The following SORCS2 variants were observed in gnomAD, a reference collection of about 807,000 sequenced individuals.
The protein encoded by SORCS2 is VPS10 domain-containing receptor SorCS2.
Under a neutral mutation model 141.6 loss-of-function variants are expected in SORCS2, and 100 were observed. The ratio of observed to expected loss-of-function variants is 0.71; its 90% CI spans 0.60 to 0.83. SORCS2 has a LOEUF of 0.83. Among genes scored for constraint, SORCS2 ranks in the 40% least tolerant of loss-of-function variants. The pLI is 0.00. For missense variants in SORCS2, 1,646 were observed against 1,560.2 expected, an observed-to-expected ratio of 1.05 and a Z score of -0.93; for synonymous variants, 789 against 676.9, an observed-to-expected ratio of 1.17 and a Z score of -2.57.
At chr4:7,401,578 C>T (rs1724598235) in intron 2 of SORCS2, among the ~76,000 whole-genome samples, 1 of 152,232 alleles carries the variant, frequency 6.6e-6, no homozygotes, top group South Asian at 2.1e-4. Flanking sequence ...TCCCTATGTC[C>T]TGCCTCCTGC....
At chr4:7,691,219 T>G (rs1724227389) in intron 11 of SORCS2, among the ~76,000 whole-genome samples, 1 of 152,238 alleles carries the variant, frequency 6.6e-6, no homozygotes, top group Non-Finnish European at 1.5e-5. Context: ...GACTCTGAGC[T>G]GGACACCACA....
chr4:7,283,399 G>A (rs1716013301), intron 1 of SORCS2, among the ~76,000 whole-genome samples: 1 of 152,220 alleles, frequency 6.6e-6, no homozygotes, highest in Admixed American at 6.5e-5. Flanking sequence ...CAAGACCGGG[G>A]CAAAGTGCCT....
intron 1 of SORCS2, among the ~76,000 whole-genome samples, chr4:7,203,791 A>G (rs1727596781): frequency 6.6e-6 from 1 of 152,140 alleles, no homozygotes; most frequent in African/African-American, 2.4e-5. Flanking sequence ...TCCCAAATGG[A>G]AACTCTGCCC....
chr4:7,530,233 C>A (rs751859845), intron 2 of SORCS2, among the ~76,000 whole-genome samples: 3 of 152,232 alleles, frequency 2.0e-5, no homozygotes, highest in Non-Finnish European at 4.4e-5. Context: ...GTCCCCTCGG[C>A]CCCCAGAGGA....
chr4:7,636,562 C>T (rs1720270638), intron 3 of SORCS2, among the ~76,000 whole-genome samples: 1 of 152,066 alleles, frequency 6.6e-6, no homozygotes. Context: ...CCGGGGCCAC[C>T]TGTGAGTGTC....
At chr4:7,707,535 A>G (rs973993166) in intron 14 of SORCS2, among the ~76,000 whole-genome samples, 1 of 152,210 alleles carries the variant, frequency 6.6e-6, no homozygotes, top group Non-Finnish European at 1.5e-5. Context: ...GCCGCCTTCA[A>G]TTCAGTCCCA....
chr4:7,673,308 T>C (rs1421968203), intron 8 of SORCS2, among the ~76,000 whole-genome samples: 1 of 152,238 alleles, frequency 6.6e-6, no homozygotes. Context: ...GCAATTTCCC[T>C]TCTTAGGAGT....
chr4:7,682,599 A>G lies in SORCS2; in HGVS notation c.1342-144A>G, dbSNP rs1723590976. 5.0e-6 allele frequency: 4 copies of G among 803,180 alleles called. No homozygotes were observed. In the South Asian group the frequency reaches 7.4e-5, roughly 15 times the overall value. The allele number at this position is 803,180 out of a possible 1,614,324, so 49.8% of individuals were successfully genotyped here. ...CCTCTAAACCTCACTCACCTCTAGA[A>G]TGTGTCTCAGCTGCTGGACATTGTG... On this transcript the variant is annotated intron_variant, in intron 9 of 26. Coordinates refer to ENST00000507866, the MANE Select transcript of SORCS2 (RefSeq NM_020777.3).
rs964197165 is a variant in SORCS2 at position 7,700,125 on chromosome 4, C to T, written c.1668+2851C>T. Among the ~76,000 whole-genome samples, 4 of 152,260 alleles carry T rather than the reference C, an allele frequency of 2.6e-5. 1 individual carries two copies. Among genetic ancestry groups the T allele is most frequent in the African/African-American group, 9.6e-5 (4 of 41,474 alleles). ...CCTCCTGCCCTCCAGGCCTTTGCCC[C>T]TCTGTCTCCAGCCTGTGATGCCCTT... is the stretch of plus-strand genomic sequence containing the variant. On this transcript the variant is annotated intron_variant, in intron 12 of 26. Coordinates refer to ENST00000507866, the MANE Select transcript of SORCS2 (RefSeq NM_020777.3).
At chr4:7,705,313 A>G (rs1296392003) in intron 14 of SORCS2, among the ~76,000 whole-genome samples, 1 of 152,132 alleles carries the variant, frequency 6.6e-6, no homozygotes, top group Non-Finnish European at 1.5e-5. Flanking sequence ...CGACCCCTGG[A>G]TTTCAGCCTT....
chr4:7,231,835 G>A (rs1221166374), intron 1 of SORCS2, among the ~76,000 whole-genome samples: 1 of 152,176 alleles, frequency 6.6e-6, no homozygotes, highest in Non-Finnish European at 1.5e-5. Context: ...CCAGACTGAG[G>A]GCACGAGGAC....
chr4:7,249,053 A>G (rs1374225991), intron 1 of SORCS2, among the ~76,000 whole-genome samples: 1 of 152,260 alleles, frequency 6.6e-6, no homozygotes, highest in African/African-American at 2.4e-5. Context: ...ATAGTGCTGC[A>G]GTAACAAACA....
intron 3 of SORCS2, among the ~76,000 whole-genome samples, chr4:7,634,620 A>T (rs1199903367): frequency 6.6e-6 from 1 of 152,252 alleles, no homozygotes; most frequent in African/African-American, 2.4e-5. Flanking sequence ...AATGAATTCC[A>T]AATCATAGAT....
chr4:7,273,232 G>A (rs1715259831), intron 1 of SORCS2, among the ~76,000 whole-genome samples: 1 of 152,226 alleles, frequency 6.6e-6, no homozygotes, highest in African/African-American at 2.4e-5. Context: ...GTAACTGGCA[G>A]TCTTATCCCA....
intron 4 of SORCS2, among the ~76,000 whole-genome samples, chr4:7,643,871 C>A (rs1418218258): frequency 1.3e-5 from 2 of 152,110 alleles, no homozygotes; most frequent in Non-Finnish European, 2.9e-5. Context: ...AGCTTCGATA[C>A]CACGTTGATG....
At chr4:7,228,762 G>C (rs544637583) in intron 1 of SORCS2, among the ~76,000 whole-genome samples, 1 of 152,362 alleles carries the variant, frequency 6.6e-6, no homozygotes, top group South Asian at 2.1e-4. Context: ...GGCTGCTGTG[G>C]CCACAGGCAT....
At position 7,572,999 on chromosome 4, in the gene SORCS2, G is replaced by C. The variant is rs144208880; in HGVS notation, c.648+41370G>C. On this transcript the variant is annotated intron_variant, in intron 3 of 26. Coordinates refer to ENST00000507866, the MANE Select transcript of SORCS2 (RefSeq NM_020777.3). Reference sequence around the variant, plus strand: ...ATAGTCTAAATCCCTTTGGAAAGGAGAGCTTTTTCTCACTTATTATCAAAG... The same window carrying C: ...ATAGTCTAAATCCCTTTGGAAAGGACAGCTTTTTCTCACTTATTATCAAAG... Among the ~76,000 whole-genome samples the C allele has an allele frequency of 1.8e-4, 27 of 152,306 alleles. No individual in the cohort carries two copies. The East Asian group carries it at 5.2e-3, about 29-fold the overall frequency.
intron 3 of SORCS2, among the ~76,000 whole-genome samples, chr4:7,603,631 A>G (rs1385486310): frequency 6.6e-6 from 1 of 152,212 alleles, no homozygotes; most frequent in African/African-American, 2.4e-5. Context: ...TGATAAGTCC[A>G]ATATTTAAAG....
chr4:7,632,506 ACTCT>A (rs1343290675), intron 3 of SORCS2, among the ~76,000 whole-genome samples: 2 of 151,656 alleles, frequency 1.3e-5, no homozygotes, highest in African/African-American at 4.8e-5. Flanking sequence ...TTCCTGGCTC[ACTCT>A]CCCAACTCGG....
Sources: gnomAD v4.1 joint callset for allele counts (sites outside exome capture counted in the v4.1 genomes callset) on GRCh38, gnomAD v4.1.1 for gene constraint, MANE v1.5 for transcripts, NCBI Gene and HGNC (gene_info 2026-07-23, HGNC 2026-07-21) for gene names.